The following KCNB2 variants were observed in gnomAD, a reference collection of about 807,000 sequenced individuals.
The protein encoded by KCNB2 is delayed rectifier potassium channel protein.
A neutral mutation model predicts 61.5 loss-of-function variants in KCNB2; 15 were observed. That is an observed-to-expected ratio of 0.24 (90% CI 0.16 to 0.38). The LOEUF (loss-of-function observed/expected upper bound fraction) is 0.38, where lower values mean the gene tolerates loss of function less well. Among genes scored for constraint, KCNB2 ranks in the 10% least tolerant of loss-of-function variants. The pLI is 1.00. For missense variants in KCNB2, 828 were observed against 1,125.2 expected (o/e 0.74, Z 3.78); for synonymous variants, 457 against 446.0 (o/e 1.02, Z -0.31).
At chr8:72,696,227 A>T (rs1001218506) in intron 2 of KCNB2, among the ~76,000 whole-genome samples, 5 of 152,164 alleles carry the variant, frequency 3.3e-5, no homozygotes. Context: ...TCAAGAGTGA[A>T]TCAGATGTGG....
At chr8:72,683,801 G>C (rs1444741341) in intron 2 of KCNB2, among the ~76,000 whole-genome samples, 1 of 152,130 alleles carries the variant, frequency 6.6e-6, no homozygotes, top group Admixed American at 6.5e-5. Flanking sequence ...TAGAGACATG[G>C]GCAGGGTGCT....
chr8:72,834,118 TTA>T (rs779982359), intron 2 of KCNB2, among the ~76,000 whole-genome samples: 2 of 152,200 alleles, frequency 1.3e-5, no homozygotes, highest in African/African-American at 4.8e-5. Flanking sequence ...ATCTACTTAT[TTA>T]TGCATCTGTG....
chr8:72,714,235 T>C lies in KCNB2; in HGVS notation c.579+145922T>C, dbSNP rs1807380713. Among the ~76,000 whole-genome samples the C allele has an allele frequency of 2.0e-5, 3 of 152,312 alleles. No individual in the cohort carries two copies. In the South Asian group the frequency reaches 6.2e-4, roughly 32 times the overall value. ...AATGAAACCAACTTGGAAAACACTCTGCAGGATATTATCCAGGAGAACTTC... is the reference window on the plus strand; with the variant it reads ...AATGAAACCAACTTGGAAAACACTCCGCAGGATATTATCCAGGAGAACTTC... On this transcript the variant is annotated intron_variant, in intron 2 of 2. Transcript: ENST00000523207.
intron 2 of KCNB2, among the ~76,000 whole-genome samples, chr8:72,691,873 A>T (rs954870725): frequency 6.6e-6 from 1 of 152,194 alleles, no homozygotes; most frequent in Non-Finnish European, 1.5e-5. Context: ...TTGTGATGAG[A>T]TAAATACAGA....
chr8:72,790,327 A>G (rs973215062), intron 2 of KCNB2, among the ~76,000 whole-genome samples: 1 of 152,178 alleles, frequency 6.6e-6, no homozygotes, highest in African/African-American at 2.4e-5. Context: ...GACACTAACC[A>G]GGGGAGTCAG....
At chr8:72,582,504 G>A (rs1253215402) in intron 2 of KCNB2, among the ~76,000 whole-genome samples, 1 of 152,180 alleles carries the variant, frequency 6.6e-6, no homozygotes, top group Non-Finnish European at 1.5e-5. Context: ...CCAGTACTCA[G>A]GAGAAGTTAC....
intron 2 of KCNB2, among the ~76,000 whole-genome samples, chr8:72,630,950 GC>G (rs1016690756): frequency 6.6e-6 from 1 of 152,080 alleles, no homozygotes; most frequent in Non-Finnish European, 1.5e-5. Flanking sequence ...TACGTTCCAA[GC>G]CCCCCATGGA....
intron 2 of KCNB2, among the ~76,000 whole-genome samples, chr8:72,743,070 C>T (rs1017725415): frequency 6.6e-6 from 1 of 152,136 alleles, no homozygotes; most frequent in Non-Finnish European, 1.5e-5. Context: ...GTGCAGTCTA[C>T]ATCCATAAAT....
chr8:72,641,374 T>C (rs1806052478), intron 2 of KCNB2, among the ~76,000 whole-genome samples: 1 of 152,112 alleles, frequency 6.6e-6, no homozygotes, highest in South Asian at 2.1e-4. Flanking sequence ...AATTAGTTAT[T>C]TACTGTCTAT....
chr8:72,780,228 G>C (rs1260909926), intron 2 of KCNB2, among the ~76,000 whole-genome samples: 1 of 151,918 alleles, frequency 6.6e-6, no homozygotes, highest in Admixed American at 6.6e-5. Context: ...GAATATCTGA[G>C]GCCAATTTAA....
At chr8:72,732,022 G>A (rs565619727) in intron 2 of KCNB2, 12 of 152,344 alleles carry the variant, frequency 7.9e-5, no homozygotes, top group African/African-American at 2.9e-4. Flanking sequence ...TTAGATGTGA[G>A]TTCCCTGCTG....
intron 2 of KCNB2, among the ~76,000 whole-genome samples, chr8:72,734,715 A>G (rs1279663454): frequency 6.6e-6 from 1 of 152,142 alleles, no homozygotes; most frequent in African/African-American, 2.4e-5. Flanking sequence ...TGAAAGAGGA[A>G]ATCAGTGTCA....
intron 2 of KCNB2, among the ~76,000 whole-genome samples, chr8:72,828,298 A>ATCATAT (rs1809632197): frequency 6.6e-6 from 1 of 152,190 alleles, no homozygotes; most frequent in South Asian, 2.1e-4. Flanking sequence ...GTTTCATCTA[A>ATCATAT]TGTCCTGAGT....
chr8:72,543,714 T>C (rs1350038412), intron 1 of KCNB2, among the ~76,000 whole-genome samples: 1 of 152,210 alleles, frequency 6.6e-6, no homozygotes, highest in Non-Finnish European at 1.5e-5. Flanking sequence ...ATATGTCTGG[T>C]GAGATGTGTA....
At chr8:72,889,263 A>C (rs1194839840) in intron 2 of KCNB2, among the ~76,000 whole-genome samples, 1 of 152,216 alleles carries the variant, frequency 6.6e-6, no homozygotes, top group African/African-American at 2.4e-5. Flanking sequence ...AGACATACTT[A>C]CTGAGGCTAA....
At chr8:72,805,576 T>C (rs1809206183) in intron 2 of KCNB2, among the ~76,000 whole-genome samples, 1 of 152,176 alleles carries the variant, frequency 6.6e-6, no homozygotes, top group Non-Finnish European at 1.5e-5. Context: ...GAAAGAGCAA[T>C]ATAGAGTTAT....
chr8:72,698,642 C>G (rs1053971271), intron 2 of KCNB2, among the ~76,000 whole-genome samples: 11 of 152,270 alleles, frequency 7.2e-5, no homozygotes, highest in African/African-American at 2.6e-4. Flanking sequence ...ACCAAAACAG[C>G]ATGGTACTGG....
chr8:72,763,857 A>G (rs1262996852), intron 2 of KCNB2, among the ~76,000 whole-genome samples: 1 of 152,232 alleles, frequency 6.6e-6, no homozygotes, highest in Non-Finnish European at 1.5e-5. Context: ...GAAAACAGAA[A>G]CAGAAGGTTT....
chr8:72,863,831 G>A lies in KCNB2; in HGVS notation c.580-72104G>A, dbSNP rs181650780. 6.4e-3 allele frequency among the ~76,000 whole-genome samples: 967 copies of A among 152,258 alleles called. 7 individuals are homozygous for A. Among genetic ancestry groups the A allele is most frequent in the South Asian group, 9.6e-3 (46 of 4,814 alleles). ...TCAGGACCAGCCTGGGCAACATGGC[G>A]AAACCTCGTCTCTACAAAAAAAAAT... is the stretch of plus-strand genomic sequence containing the variant. On this transcript the variant is annotated intron_variant, in intron 2 of 2. Coordinates refer to ENST00000523207, the MANE Select transcript of KCNB2 (RefSeq NM_004770.3).
Sources: gnomAD v4.1 joint callset for allele counts (sites outside exome capture counted in the v4.1 genomes callset) on GRCh38, gnomAD v4.1.1 for gene constraint, MANE v1.5 for transcripts, NCBI Gene and HGNC (gene_info 2026-07-23, HGNC 2026-07-21) for gene names.